The following GLS variants were observed in gnomAD, a reference collection of about 807,000 sequenced individuals.
GLS encodes the protein glutaminase.
Under a neutral mutation model 86.7 loss-of-function variants are expected in GLS, and 36 were observed. The observed-to-expected ratio is 0.42, with a 90% CI of 0.32 to 0.55. GLS has a LOEUF of 0.55. Among genes scored for constraint, GLS ranks in the 20% least tolerant of loss-of-function variants. GLS has a pLI of 0.17. For missense variants in GLS, 528 were observed against 833.4 expected, an observed-to-expected ratio of 0.63 and a Z score of 4.51; for synonymous variants, 317 against 305.9, an observed-to-expected ratio of 1.04 and a Z score of -0.38.
intron 14 of GLS, among the ~76,000 whole-genome samples, chr2:190,948,779 C>T (rs1029729261): frequency 6.6e-6 from 1 of 152,004 alleles, no homozygotes; most frequent in African/African-American, 2.4e-5. Flanking sequence ...GAGATTGGAG[C>T]AGAGTTCACA....
chr2:190,890,881 T>C (rs982185726), intron 1 of GLS, among the ~76,000 whole-genome samples: 1 of 151,836 alleles, frequency 6.6e-6, no homozygotes, highest in African/African-American at 2.4e-5. Flanking sequence ...TTAAGAGTTA[T>C]GCGAAAAAAA....
At chr2:190,902,640 G>T (rs1300220420) in intron 5 of GLS, among the ~76,000 whole-genome samples, 1 of 152,162 alleles carries the variant, frequency 6.6e-6, no homozygotes, top group Non-Finnish European at 1.5e-5. Context: ...AAAAATCAAA[G>T]AATTAAGAGA....
At position 190,953,702 on chromosome 2, in the gene GLS, G is replaced by T. The variant is rs956122475; in HGVS notation, c.1712+76G>T. On this transcript the variant is annotated intron_variant, in intron 15 of 17. Transcript: ENST00000320717. The surrounding 1 kb of genome is among the most constrained non-coding windows in gnomAD (Gnocchi z 4.0). Reference sequence around the variant, plus strand: ...GCTTCTGGGCGAGCAGCCATTTTAAGGTTAAAGTCTCACTTTTCTTTCCCT... The same window carrying T: ...GCTTCTGGGCGAGCAGCCATTTTAATGTTAAAGTCTCACTTTTCTTTCCCT... The T allele has an allele frequency of 1.0e-6, 1 of 994,860 alleles. No homozygotes were observed. Among genetic ancestry groups the T allele is most frequent in the Admixed American group, 2.0e-5 (1 of 50,746 alleles). 61.6% of individuals were successfully genotyped at this position (994,860 alleles called of 1,614,324 possible).
intron 13 of GLS, among the ~76,000 whole-genome samples, chr2:190,931,024 T>G (rs890624706): frequency 6.6e-6 from 1 of 152,226 alleles, no homozygotes; most frequent in Non-Finnish European, 1.5e-5. Flanking sequence ...GTTACTGCTC[T>G]TGATAGTTCT....
Position 190,895,527 on chromosome 2 carries a change from A to T in GLS, c.484-77A>T. 9.5e-7 allele frequency: 1 copy of T among 1,051,686 alleles called. No homozygotes were observed. The highest frequency in any genetic ancestry group is 1.4e-6 in the Non-Finnish European group (1 of 724,098). 65.1% of individuals were successfully genotyped at this position (1,051,686 alleles called of 1,614,324 possible). Reference sequence around the variant, plus strand: ...TGGGTAGAAGTTTTTATATACAGGAATAAAATCTTATAGTTGGTATAAGCA... The same window carrying T: ...TGGGTAGAAGTTTTTATATACAGGATTAAAATCTTATAGTTGGTATAAGCA... On this transcript the variant is annotated intron_variant, in intron 2 of 17. Coordinates refer to ENST00000320717, the MANE Select transcript of GLS (RefSeq NM_014905.5). The surrounding 1 kb of genome is among the most constrained non-coding windows in gnomAD (Gnocchi z 4.2).
chr2:190,917,442 A>G (rs1377217373), intron 7 of GLS, among the ~76,000 whole-genome samples: 8 of 152,206 alleles, frequency 5.3e-5, no homozygotes, highest in African/African-American at 1.4e-4. Context: ...TCAGTCATCC[A>G]TGAGGATTGG....
Position 190,955,364 on chromosome 2 carries a change from G to A in GLS, c.1853+546G>A, listed in dbSNP as rs1690837214. On this transcript the variant is annotated intron_variant, in intron 17 of 17. Transcript: ENST00000320717. This position sits in a 1 kb window ranked among gnomAD's most constrained non-coding sequence, Gnocchi z 5.6. ...TCACTGTTCCACTCCCACTTACGAG[G>A]GAGAACATGAAGTGTTTGGTTTTCT... 6.6e-6 allele frequency among the ~76,000 whole-genome samples: 1 copy of A among 152,082 alleles called. No individual in the cohort carries two copies. The highest frequency in any genetic ancestry group is 6.6e-5 in the Admixed American group (1 of 15,260).
In GLS at chr2:190,880,882, GCAGCAGCAGCAGCAGCAGCAGC is replaced by G; in HGVS notation, c.-202_-181del. 1 of 435,862 alleles carries G rather than the reference GCAGCAGCAGCAGCAGCAGCAGC, an allele frequency of 2.3e-6. No individual in the cohort carries two copies. The highest frequency in any genetic ancestry group is 3.4e-6 in the Non-Finnish European group (1 of 295,812). 27.0% of individuals were successfully genotyped at this position (435,862 alleles called of 1,614,324 possible). A position where few individuals can be genotyped will look rare whatever the true frequency, so the allele number is the denominator to read the frequency against. ...GCGGCAATCCTAGCGCGCAGCAGCA[GCAGCAGCAGCAGCAGCAGCAGC>G]AGCAGCAGCAGCAGCACCCGCATCC... On this transcript the variant is annotated 5_prime_UTR_variant, in exon 1 of 18. Transcript: ENST00000320717.
chr2:190,933,568 A>C (rs1172468237), intron 14 of GLS: 2 of 960,422 alleles, frequency 2.1e-6, no homozygotes, highest in Non-Finnish European at 2.5e-6. Flanking sequence ...CCAGCCAAAG[A>C]ATTTCAGATG....
In GLS at chr2:190,964,341, T is replaced by C. The variant is rs1446753723; in HGVS notation, c.*1355T>C. 2 of 152,160 alleles carry C rather than the reference T, an allele frequency of 1.3e-5. No individual in the cohort carries two copies. Among genetic ancestry groups the C allele is most frequent in the Non-Finnish European group, 2.9e-5 (2 of 68,022 alleles). 9.4% of individuals were successfully genotyped at this position (152,160 alleles called of 1,614,324 possible). ...TTCTGATATTAAGCACACACACACA[T>C]GCACACAAATGGACTTCTCTGAAGC... On this transcript the variant is annotated 3_prime_UTR_variant, in exon 18 of 18. Coordinates refer to ENST00000320717, the MANE Select transcript of GLS (RefSeq NM_014905.5). This position sits in a 1 kb window ranked among gnomAD's most constrained non-coding sequence, Gnocchi z 5.2.
chr2:190,911,049 A>G (rs997992308), intron 7 of GLS, among the ~76,000 whole-genome samples: 7 of 150,530 alleles, frequency 4.7e-5, no homozygotes, highest in African/African-American at 1.7e-4. Flanking sequence ...ACACGATTTT[A>G]GATGTTTCAG....
rs1014492923 is a variant in GLS at position 190,954,420 on chromosome 2, C to T, written c.1713-164C>T. On this transcript the variant is annotated intron_variant, in intron 15 of 17. Transcript: ENST00000320717. This position sits in a 1 kb window ranked among gnomAD's most constrained non-coding sequence, Gnocchi z 4.0. ...GGAAGAGAGGTGAAGTGGCATCTAC[C>T]CAAAACACCTGTGTACTGGTTAATA... 3.3e-5 allele frequency among the ~76,000 whole-genome samples: 5 copies of T among 152,046 alleles called. No individual in the cohort carries two copies. Among genetic ancestry groups the T allele is most frequent in the African/African-American group, 1.2e-4 (5 of 41,374 alleles).
chr2:190,932,697 A>G, intron 14 of GLS: 1 of 1,567,734 alleles, frequency 6.4e-7, no homozygotes, highest in African/African-American at 1.4e-5. Context: ...TAAATTATGT[A>G]TGTTGCTTGA....
At chr2:190,915,189 A>T (rs1395027223) in intron 7 of GLS, among the ~76,000 whole-genome samples, 2 of 148,136 alleles carry the variant, frequency 1.4e-5, no homozygotes, top group Non-Finnish European at 3.0e-5. Flanking sequence ...TTTAGTAGAG[A>T]CAGGGTTTCA....
At chr2:190,934,026 G>T in intron 14 of GLS, 1 of 971,092 alleles carries the variant, frequency 1.0e-6, no homozygotes, top group Middle Eastern at 5.3e-4. Context: ...AGTTGTCTTG[G>T]CAAAGTGATT....
chr2:190,910,313 C>T lies in GLS; in HGVS notation c.1030C>T (p.Leu344=). ...TGCTGGAGCAATTGTTGTGACTTCA[C>T]TAATAAAGGTAAAATGTTGATGTTT... The part of the protein sequence containing the change: ...VNAGAIVVTS[L]IKQGVNNAEK... The change falls in exon 7 of 18, where the codon CTA becomes TTA. Residue 344 remains leucine (L), a synonymous_variant. Transcript: ENST00000320717. The T allele has an allele frequency of 1.3e-6, 2 of 1,557,862 alleles. No homozygotes were observed. Among genetic ancestry groups the T allele is most frequent in the Non-Finnish European group, 8.8e-7 (1 of 1,136,724 alleles).
intron 1 of GLS, 89 bp downstream of exon 1, chr2:190,881,559 A>C (rs1688183690): frequency 8.2e-7 from 1 of 1,225,930 alleles, no homozygotes; most frequent in Admixed American, 2.5e-5. Flanking sequence ...GCGGGATAGG[A>C]GCCGAGGGTC....
rs1690861873 is a variant in GLS, at chr2:190,956,386, A to G, written c.1853+1568A>G. Among the ~76,000 whole-genome samples the G allele has an allele frequency of 6.6e-6, 1 of 152,016 alleles. No homozygotes were observed. The highest frequency in any genetic ancestry group is 1.5e-5 in the Non-Finnish European group (1 of 68,000). On this transcript the variant is annotated intron_variant, in intron 17 of 17. Transcript: ENST00000320717. The surrounding 1 kb of genome is among the most constrained non-coding windows in gnomAD (Gnocchi z 4.2). ...CCTTTCCCCATTGCTTGTTTTTGTC[A>G]GGTTTGTCAAAGATCAGATGGTTGT...
chr2:190,940,740 CT>C lies in GLS; in HGVS notation c.1650+9117del, dbSNP rs397946071. ...ATCCCTGTTTTACTTAGTTAGCAAA[CT>C]TTTTTTTTTTTTTAATGCCTTCTAA... On this transcript the variant is annotated intron_variant, in intron 14 of 17. Transcript: ENST00000320717. Among the ~76,000 whole-genome samples the C allele has an allele frequency of 3.7e-3, 518 of 140,556 alleles. 1 individual carries two copies. The highest frequency in any genetic ancestry group is 5.9e-3 in the East Asian group (29 of 4,900). The allele number at this position is 140,556 out of a possible 152,430, so 92.2% of individuals were successfully genotyped here. A position where few individuals can be genotyped will look rare whatever the true frequency, so the allele number is the denominator to read the frequency against.
Sources: allele counts gnomAD v4.1 joint callset (sites outside exome capture counted in the v4.1 genomes callset), GRCh38; gene constraint gnomAD v4.1.1; non-coding constraint Gnocchi (gnomAD v3.1); transcripts MANE v1.5; gene names NCBI Gene and HGNC (gene_info 2026-07-23, HGNC 2026-07-21).